TMEM181: variants seen among roughly 807,000 people sequenced by gnomAD.
TMEM181 encodes the protein transmembrane protein 181, also known as G protein-coupled receptor 178.
Under a neutral mutation model 71.9 loss-of-function variants are expected in TMEM181, and 39 were observed. The observed-to-expected ratio is 0.54, with a 90% CI of 0.42 to 0.71. The LOEUF (loss-of-function observed/expected upper bound fraction) is 0.71. Among genes scored for constraint, TMEM181 ranks in the 30% least tolerant of loss-of-function variants. The probability of loss-of-function intolerance (pLI) is 0.00; values close to 1 mark genes in which losing one functional copy is unlikely to be tolerated. For missense variants in TMEM181, 595 were observed against 583.0 expected (o/e 1.02, Z -0.21); for synonymous variants, 245 against 228.8 (o/e 1.07, Z -0.64).
chr6:158,544,093 A>G (rs1198921846), intron 1 of TMEM181, among the ~76,000 whole-genome samples: 1 of 152,030 alleles, frequency 6.6e-6, no homozygotes, highest in Non-Finnish European at 1.5e-5. Context: ...TGTCTGGATC[A>G]GGGTGGCTCC....
At chr6:158,585,731 G>T (rs1027796083) in intron 5 of TMEM181, among the ~76,000 whole-genome samples, 2 of 152,188 alleles carry the variant, frequency 1.3e-5, no homozygotes, top group African/African-American at 4.8e-5. Flanking sequence ...TGTTTTTACT[G>T]TGTGTGTGAC....
At chr6:158,630,911 A>G (rs964281390) in intron 15 of TMEM181, among the ~76,000 whole-genome samples, 1 of 152,070 alleles carries the variant, frequency 6.6e-6, no homozygotes, top group Non-Finnish European at 1.5e-5. Flanking sequence ...CAGCAACTTT[A>G]TGATAAACAT....
chr6:158,600,844 C>A (rs1157269198), intron 6 of TMEM181, among the ~76,000 whole-genome samples: 1 of 152,148 alleles, frequency 6.6e-6, no homozygotes, highest in Admixed American at 6.5e-5. Context: ...TAGAATCCCC[C>A]TCCTCCAGGG....
intron 15 of TMEM181, 86 bp downstream of exon 15, chr6:158,629,905 A>G: frequency 8.9e-7 from 1 of 1,124,214 alleles, no homozygotes; most frequent in Non-Finnish European, 1.4e-6. Context: ...CGGGTTTCCC[A>G]TTCATGTGGG....
chr6:158,600,208 G>T (rs1319687827), intron 6 of TMEM181, among the ~76,000 whole-genome samples: 1 of 152,056 alleles, frequency 6.6e-6, no homozygotes, highest in African/African-American at 2.4e-5. Context: ...TGCTCTTGTT[G>T]CCCAGGCTGG....
rs1299059266 is a variant in TMEM181 at position 158,548,851 on chromosome 6, T to C, written c.131+11986T>C. On this transcript the variant is annotated intron_variant, in intron 1 of 16. Coordinates refer to the TMEM181 transcript ENST00000367090. ...ATTGAAAATAAAATACGTGTTTCGGTTTGATAGCTTGGGACTGATACTTAA... is the reference window on the plus strand; with the variant it reads ...ATTGAAAATAAAATACGTGTTTCGGCTTGATAGCTTGGGACTGATACTTAA... Among the ~76,000 whole-genome samples, 7 of 152,174 alleles carry C rather than the reference T, an allele frequency of 4.6e-5. No homozygotes were observed. In the East Asian group the frequency reaches 1.4e-3, roughly 29 times the overall value.
intron 1 of TMEM181, among the ~76,000 whole-genome samples, chr6:158,561,188 C>T (rs1383460818): frequency 6.6e-6 from 1 of 152,206 alleles, no homozygotes; most frequent in African/African-American, 2.4e-5. Context: ...TGGACGTGGT[C>T]AGAGAAGTGA....
chr6:158,556,892 A>C (rs1781909461), upstream of TMEM181, among the ~76,000 whole-genome samples: 1 of 152,022 alleles, frequency 6.6e-6, no homozygotes, highest in South Asian at 2.1e-4. Context: ...CCTCATGACT[A>C]GCTGGGATTA....
intron 16 of TMEM181, 133 bp downstream of exon 16, chr6:158,631,522 C>T (rs570797548): frequency 2.7e-5 from 28 of 1,023,096 alleles, no homozygotes; most frequent in East Asian, 5.0e-5. Context: ...TCAAGTGGCT[C>T]GTGGTTTTCT....
At chr6:158,606,759 T>C (rs114767337) in intron 7 of TMEM181, among the ~76,000 whole-genome samples, 2,869 of 152,356 alleles carry the variant, frequency 0.019, 103 homozygotes, top group African/African-American at 0.065. Flanking sequence ...TGGCTTTTCA[T>C]GGGCAAGCCC....
chr6:158,544,176 G>GGA lies in TMEM181; in HGVS notation c.131+7317_131+7318dup, dbSNP rs142404272. The stretch of plus-strand genomic sequence containing the variant: ...GCCTGAGGTTTCTCAGGTGCAAATT[G>GGA]GAGAGAGTGTGTGTGTGTGTGTGTG... On this transcript the variant is annotated intron_variant, in intron 1 of 16. Transcript: ENST00000367090. Among the ~76,000 whole-genome samples the GGA allele has an allele frequency of 2.6e-3, 317 of 122,010 alleles. 3 individuals are homozygous for GGA. The highest frequency in any genetic ancestry group is 0.016 in the South Asian group (53 of 3,308). 80.0% of individuals were successfully genotyped at this position (122,010 alleles called of 152,430 possible).
upstream of TMEM181, among the ~76,000 whole-genome samples, chr6:158,557,073 G>A (rs1442069883): frequency 6.6e-6 from 1 of 152,084 alleles, no homozygotes; most frequent in East Asian, 1.9e-4. Flanking sequence ...TTTTAATTCT[G>A]ACAACTTTCA....
intron 11 of TMEM181, 25 bp from the exon 12 acceptor site, chr6:158,625,079 C>T (rs369719057): frequency 1.3e-4 from 206 of 1,588,006 alleles, no homozygotes; most frequent in Non-Finnish European, 1.7e-4. Context: ...TGTTCCGACT[C>T]AAGTGCTGCC....
chr6:158,567,381 G>A (rs989631906), intron 1 of TMEM181, among the ~76,000 whole-genome samples: 9 of 152,224 alleles, frequency 5.9e-5, no homozygotes, highest in Admixed American at 4.6e-4. Context: ...TTGGAATAAC[G>A]AGTGGAAGTT....
chr6:158,571,054 AG>A (rs1417121901), intron 1 of TMEM181, among the ~76,000 whole-genome samples: 1 of 151,016 alleles, frequency 6.6e-6, no homozygotes, highest in Non-Finnish European at 1.5e-5. Flanking sequence ...CTGAGATTAC[AG>A]GCATGTGCCA....
chr6:158,628,005 C>CG (rs1786425038), intron 13 of TMEM181, among the ~76,000 whole-genome samples: 1 of 152,160 alleles, frequency 6.6e-6, no homozygotes, highest in Non-Finnish European at 1.5e-5. Flanking sequence ...GGAGCTGTGA[C>CG]GAAGGAGAAG....
upstream of TMEM181, among the ~76,000 whole-genome samples, chr6:158,555,771 C>T (rs1781861348): frequency 6.6e-6 from 1 of 152,168 alleles, no homozygotes; most frequent in South Asian, 2.1e-4. Flanking sequence ...GCAAAGGAAA[C>T]CCTATAAATT....
chr6:158,616,414 A>G (rs1266019629), intron 10 of TMEM181, among the ~76,000 whole-genome samples: 1 of 152,202 alleles, frequency 6.6e-6, no homozygotes, highest in Non-Finnish European at 1.5e-5. Flanking sequence ...TAGATATACA[A>G]TCATGTCATC....
At chr6:158,608,781 G>C (rs1185169878) in intron 10 of TMEM181, 31 bp downstream of exon 10, 1 of 1,593,750 alleles carries the variant, frequency 6.3e-7, no homozygotes, top group Admixed American at 1.8e-5. Context: ...TGAAACTTCA[G>C]TCATGAAAAG....
Sources: gnomAD v4.1 joint callset for allele counts (sites outside exome capture counted in the v4.1 genomes callset) on GRCh38, gnomAD v4.1.1 for gene constraint, MANE v1.5 for transcripts, NCBI Gene and HGNC (gene_info 2026-07-23, HGNC 2026-07-21) for gene names.